The following ARHGAP15 variants were observed in gnomAD, a reference collection of about 807,000 sequenced individuals.
ARHGAP15 encodes the protein rho GTPase-activating protein 15.
Under a neutral mutation model 63.7 loss-of-function variants are expected in ARHGAP15, and 51 were observed. The observed-to-expected ratio is 0.80, with a 90% CI of 0.64 to 1.01. The LOEUF is 1.01. ARHGAP15 is among the 50% of genes least tolerant of loss of function. The pLI is 0.00. For missense variants in ARHGAP15, 560 were observed against 564.6 expected (o/e 0.99, Z 0.08); for synonymous variants, 191 against 193.8 (o/e 0.99, Z 0.12).
chr2:143,382,642 G>C (rs569639026), intron 6 of ARHGAP15, among the ~76,000 whole-genome samples: 1 of 152,046 alleles, frequency 6.6e-6, no homozygotes, highest in African/African-American at 2.4e-5. Flanking sequence ...CTTTTCTTGA[G>C]GGGGACACAA....
chr2:143,436,520 G>A (rs1410933199), intron 7 of ARHGAP15, among the ~76,000 whole-genome samples: 1 of 152,130 alleles, frequency 6.6e-6, no homozygotes, highest in Non-Finnish European at 1.5e-5. Flanking sequence ...CACACAGTTT[G>A]TTGCCATTGA....
chr2:143,536,094 GTCA>G (rs1466689800), intron 10 of ARHGAP15, among the ~76,000 whole-genome samples: 1 of 152,112 alleles, frequency 6.6e-6, no homozygotes, highest in Non-Finnish European at 1.5e-5. Context: ...AGGAATATAT[GTCA>G]TCATTAACTG....
chr2:143,348,737 G>T (rs1358398659), intron 6 of ARHGAP15, among the ~76,000 whole-genome samples: 1 of 152,082 alleles, frequency 6.6e-6, no homozygotes, highest in East Asian at 1.9e-4. Context: ...AATTATTTGT[G>T]ATTTTAAATA....
At chr2:143,662,244 G>C (rs1681852714) in intron 12 of ARHGAP15, among the ~76,000 whole-genome samples, 2 of 151,856 alleles carry the variant, frequency 1.3e-5, no homozygotes, top group African/African-American at 4.8e-5. Flanking sequence ...GCCTCCTCAA[G>C]TGGGTCCCTG....
intron 10 of ARHGAP15, among the ~76,000 whole-genome samples, chr2:143,530,145 A>T (rs1464284517): frequency 6.6e-6 from 1 of 152,212 alleles, no homozygotes; most frequent in Non-Finnish European, 1.5e-5. Context: ...AGAGACAATG[A>T]TTAAATGTCT....
chr2:143,606,785 A>G (rs1376010461), intron 11 of ARHGAP15: 4 of 152,202 alleles, frequency 2.6e-5, no homozygotes, highest in Admixed American at 2.6e-4. Flanking sequence ...CTCTGACCAC[A>G]TGTATGAGAA....
At chr2:143,732,831 G>T (rs1347168617) in intron 13 of ARHGAP15, among the ~76,000 whole-genome samples, 2 of 150,872 alleles carry the variant, frequency 1.3e-5, no homozygotes, top group South Asian at 4.2e-4. Context: ...TTGACTAAAA[G>T]ACATGGTTTT....
intron 6 of ARHGAP15, among the ~76,000 whole-genome samples, chr2:143,281,588 G>A (rs113865627): frequency 2.6e-5 from 4 of 151,862 alleles, no homozygotes; most frequent in South Asian, 2.1e-4. Flanking sequence ...CCCGGGAAAC[G>A]GGCCTAAGAA....
intron 2 of ARHGAP15, among the ~76,000 whole-genome samples, chr2:143,180,715 G>A (rs2105068352): frequency 6.6e-6 from 1 of 152,138 alleles, no homozygotes; most frequent in Admixed American, 6.5e-5. Flanking sequence ...TGTTGCCCAG[G>A]CTGGATGGAG....
chr2:143,658,980 T>C (rs1681602088), intron 12 of ARHGAP15, among the ~76,000 whole-genome samples: 2 of 152,126 alleles, frequency 1.3e-5, no homozygotes, highest in South Asian at 2.1e-4. Context: ...AGGAGAAGAA[T>C]AGATGTAGGA....
chr2:143,590,961 A>T (rs936647502), intron 11 of ARHGAP15, among the ~76,000 whole-genome samples: 6 of 145,460 alleles, frequency 4.1e-5, no homozygotes, highest in African/African-American at 1.5e-4. Flanking sequence ...CTCTCTCTTG[A>T]TTCAGTACCT....
intron 6 of ARHGAP15, among the ~76,000 whole-genome samples, chr2:143,303,784 G>C (rs1297583272): frequency 6.6e-6 from 1 of 152,088 alleles, no homozygotes; most frequent in Non-Finnish European, 1.5e-5. Context: ...CCATCAAAAA[G>C]TGGGCAAAGG....
chr2:143,225,297 A>T (rs1299787432), intron 4 of ARHGAP15, among the ~76,000 whole-genome samples: 10 of 151,990 alleles, frequency 6.6e-5, no homozygotes, highest in South Asian at 2.1e-4. Context: ...AATTAAAAAA[A>T]TTTGGATTTA....
intron 6 of ARHGAP15, among the ~76,000 whole-genome samples, chr2:143,419,150 GAAAA>G (rs35621298): frequency 6.6e-6 from 1 of 150,626 alleles, no homozygotes; most frequent in African/African-American, 2.4e-5. Context: ...GAAATTCTAA[GAAAA>G]AAAAACCACA....
At chr2:143,631,577 A>G (rs1440090964) in intron 12 of ARHGAP15, among the ~76,000 whole-genome samples, 5 of 152,108 alleles carry the variant, frequency 3.3e-5, no homozygotes, top group Non-Finnish European at 7.4e-5. Context: ...AATGATGTTA[A>G]GCATCTTTTC....
intron 8 of ARHGAP15, among the ~76,000 whole-genome samples, chr2:143,446,583 T>C (rs1021360913): frequency 6.6e-5 from 10 of 152,144 alleles, no homozygotes; most frequent in Non-Finnish European, 1.2e-4. Context: ...CCTGACACGA[T>C]GGCAATCTCT....
intron 12 of ARHGAP15, among the ~76,000 whole-genome samples, chr2:143,679,520 C>T (rs1682991510): frequency 6.6e-6 from 1 of 152,118 alleles, no homozygotes; most frequent in East Asian, 1.9e-4. Context: ...CCTTTTTCTT[C>T]TCTATCTAGT....
intron 6 of ARHGAP15, among the ~76,000 whole-genome samples, chr2:143,290,079 A>G (rs537931400): frequency 2.0e-5 from 3 of 152,252 alleles, no homozygotes; most frequent in East Asian, 1.9e-4. Flanking sequence ...GTCAGAGTGT[A>G]ATGTGATAAC....
At chr2:143,491,241 A>T (rs1692568102) in intron 9 of ARHGAP15, among the ~76,000 whole-genome samples, 1 of 152,194 alleles carries the variant, frequency 6.6e-6, no homozygotes, top group African/African-American at 2.4e-5. Flanking sequence ...GGGTGGTAGG[A>T]GTGTTTATAA....
Sources: gnomAD v4.1 joint callset for allele counts (sites outside exome capture counted in the v4.1 genomes callset) on GRCh38, gnomAD v4.1.1 for gene constraint, MANE v1.5 for transcripts, NCBI Gene and HGNC (gene_info 2026-07-23, HGNC 2026-07-21) for gene names.